The following SEMA3D variants were observed in gnomAD, a reference collection of about 807,000 sequenced individuals.
SEMA3D encodes semaphorin-3D.
In SEMA3D, 84 loss-of-function variants were observed where a neutral mutation model predicts 100.1. That is an observed-to-expected ratio of 0.84 (90% confidence interval 0.70 to 1.01). SEMA3D has a LOEUF of 1.01. Among genes scored for constraint, SEMA3D ranks in the 50% least tolerant of loss-of-function variants. SEMA3D has a pLI of 0.00. For synonymous variants in SEMA3D, 312 were observed against 320.7 expected (o/e 0.97, Z 0.29); for missense variants, 875 against 934.1 (o/e 0.94, Z 0.82).
Position 85,041,692 on chromosome 7 carries a change from A to G in SEMA3D, c.976+479T>C, listed in dbSNP as rs116147418. 5.3e-3 allele frequency: 806 copies of G among 153,218 alleles called. 11 individuals carry two copies. Among genetic ancestry groups the G allele is most frequent in the African/African-American group, 0.018 (767 of 41,606 alleles). The allele number at this position is 153,218 out of a possible 1,614,324, so 9.5% of individuals were successfully genotyped here. A position where few individuals can be genotyped will look rare whatever the true frequency, so the allele number is the denominator to read the frequency against. The stretch of plus-strand genomic sequence containing the variant: ...AGGACTTGGAAGGAGTTTTTGAGGG[A>G]GTGAAGAGGAGAAGTGAAATAGAAG... On this transcript the variant is annotated intron_variant, in intron 10 of 18. Coordinates refer to ENST00000284136, the MANE Select transcript of SEMA3D (RefSeq NM_001384900.1).
At chr7:85,181,050 G>A (rs997503787) in intron 1 of SEMA3D, among the ~76,000 whole-genome samples, 6 of 152,104 alleles carry the variant, frequency 3.9e-5, no homozygotes, top group African/African-American at 1.4e-4. Context: ...GAGGTAAATT[G>A]TCATTTTAAT....
intron 2 of SEMA3D, among the ~76,000 whole-genome samples, chr7:85,151,322 A>G (rs767722937): frequency 1.3e-5 from 2 of 152,028 alleles, no homozygotes; most frequent in Non-Finnish European, 2.9e-5. Flanking sequence ...CACTTTGGAA[A>G]TCTTCAAAAT....
intron 17 of SEMA3D, among the ~76,000 whole-genome samples, chr7:85,009,823 T>C (rs974961003): frequency 4.0e-5 from 6 of 151,876 alleles, no homozygotes; most frequent in African/African-American, 1.4e-4. Flanking sequence ...ATTGCACAAC[T>C]GTTATTGTGT....
chr7:85,055,639 C>CATATATATATATATATAT (rs1390496057), intron 9 of SEMA3D, 78 bp downstream of exon 9: 2 of 164,880 alleles, frequency 1.2e-5, no homozygotes, highest in African/African-American at 1.1e-4. Context: ...AAAGTTTTTT[C>CATATATATATATATATAT]ATATACATAT....
At chr7:85,055,645 CATATATATATATAT>C (rs56131427) in intron 9 of SEMA3D, 58 bp downstream of exon 9, 10,057 of 158,826 alleles carry the variant, frequency 0.063, 296 homozygotes, top group East Asian at 0.24. Context: ...TTTTCATATA[CATATATATATATAT>C]ATATATATAT....
the SEMA3D span, among the ~76,000 whole-genome samples, chr7:85,236,257 G>A: frequency 1.4e-5 from 2 of 146,520 alleles, no homozygotes; most frequent in Admixed American, 6.7e-5. Context: ...TTGGCTAGAT[G>A]ATTTAGTATT....
intron 3 of SEMA3D, among the ~76,000 whole-genome samples, chr7:85,119,894 A>G (rs1789359091): frequency 6.6e-6 from 1 of 151,922 alleles, no homozygotes. Flanking sequence ...TCAGCTCAAT[A>G]TCTTGGCTCA....
chr7:85,106,504 T>C (rs913782022), intron 3 of SEMA3D, among the ~76,000 whole-genome samples: 3 of 152,110 alleles, frequency 2.0e-5, no homozygotes, highest in Non-Finnish European at 4.4e-5. Context: ...ACAGATAACA[T>C]TATTTTATAA....
the SEMA3D span, among the ~76,000 whole-genome samples, chr7:85,218,056 G>C: frequency 6.6e-6 from 1 of 152,076 alleles, no homozygotes; most frequent in Non-Finnish European, 1.5e-5. Flanking sequence ...CCGAGTGCCT[G>C]AGTAATGCCA....
At chr7:85,006,492 C>T (rs546530328) in intron 18 of SEMA3D, among the ~76,000 whole-genome samples, 7 of 151,744 alleles carry the variant, frequency 4.6e-5, no homozygotes, top group African/African-American at 7.3e-5. Flanking sequence ...AAGAAAAATA[C>T]GGTGTTCTTG....
At chr7:85,222,174 C>A in the SEMA3D span, among the ~76,000 whole-genome samples, 14 of 151,936 alleles carry the variant, frequency 9.2e-5, no homozygotes, top group East Asian at 2.7e-3. Flanking sequence ...CATTTACTAA[C>A]CCTGAGAAGT....
At chr7:85,125,894 A>G (rs1789554279) in intron 2 of SEMA3D, among the ~76,000 whole-genome samples, 1 of 151,878 alleles carries the variant, frequency 6.6e-6, no homozygotes, top group African/African-American at 2.4e-5. Context: ...GATTTAGTGA[A>G]ATGCATAGGT....
intron 15 of SEMA3D, among the ~76,000 whole-genome samples, chr7:85,015,542 T>C (rs1262895208): frequency 1.3e-5 from 2 of 151,852 alleles, no homozygotes; most frequent in Admixed American, 1.3e-4. Flanking sequence ...TGAGAGATTA[T>C]GTCCAGCACA....
At chr7:85,196,154 A>C in the SEMA3D span, among the ~76,000 whole-genome samples, 3 of 152,168 alleles carry the variant, frequency 2.0e-5, no homozygotes, top group African/African-American at 7.2e-5. Flanking sequence ...TTCCCCCGCA[A>C]CATTTCTCCA....
chr7:84,999,327 G>A lies in SEMA3D; in HGVS notation c.*113C>T. 1 of 812,522 alleles carries A rather than the reference G, an allele frequency of 1.2e-6. No homozygotes were observed. The highest frequency in any genetic ancestry group is 1.8e-5 in the South Asian group (1 of 55,270). The allele number at this position is 812,522 out of a possible 1,614,324, so 50.3% of individuals were successfully genotyped here. A position where few individuals can be genotyped will look rare whatever the true frequency, so the allele number is the denominator to read the frequency against. ...ATTGTCTTATTCAGATTATTGTCTT[G>A]TGCCTTAGCAAAACTCCATGGGAAG... On this transcript the variant is annotated 3_prime_UTR_variant, in exon 19 of 19. Coordinates refer to ENST00000284136, the MANE Select transcript of SEMA3D (RefSeq NM_001384900.1).
the SEMA3D span, among the ~76,000 whole-genome samples, chr7:85,243,431 A>G: frequency 6.6e-6 from 1 of 151,812 alleles, no homozygotes; most frequent in African/African-American, 2.4e-5. Context: ...TGGTTTTTCT[A>G]CCCCAAGACT....
intron 2 of SEMA3D, chr7:85,144,568 A>C (rs1281851630): frequency 9.1e-6 from 9 of 984,964 alleles, no homozygotes; most frequent in Non-Finnish European, 6.0e-6. Flanking sequence ...CACAACCATC[A>C]GGATTTCCGT....
chr7:85,070,072 G>C (rs936114426), intron 6 of SEMA3D, among the ~76,000 whole-genome samples: 3 of 152,100 alleles, frequency 2.0e-5, no homozygotes, highest in Admixed American at 1.3e-4. Flanking sequence ...TTATTTTACT[G>C]AATAAGCAGA....
At chr7:85,142,556 T>G in intron 2 of SEMA3D, 3 of 984,066 alleles carry the variant, frequency 3.0e-6, no homozygotes, top group Non-Finnish European at 3.6e-6. Context: ...GCATTGGATA[T>G]GGATCTCAAG....
Sources: gnomAD v4.1 joint callset for allele counts (sites outside exome capture counted in the v4.1 genomes callset) on GRCh38, gnomAD v4.1.1 for gene constraint, MANE v1.5 for transcripts, NCBI Gene and HGNC (gene_info 2026-07-23, HGNC 2026-07-21) for gene names.